Variants in ZNF827 observed in about 807,000 individuals in gnomAD.
ZNF827 encodes zinc finger protein 827.
Under a neutral mutation model 102.4 loss-of-function variants are expected in ZNF827, and 13 were observed. That is an observed-to-expected ratio of 0.13 (90% CI 0.08 to 0.20). The LOEUF is 0.20. Ranked by LOEUF, ZNF827 falls within the 10% of genes least tolerant of loss-of-function variation. The pLI, the probability that ZNF827 is intolerant of heterozygous loss-of-function variation, is 1.00. For missense variants in ZNF827, 1,103 were observed against 1,344.4 expected (o/e 0.82, Z 2.81); for synonymous variants, 523 against 536.2 (o/e 0.98, Z 0.34).
At chr4:145,840,329 G>A (rs534699761) in intron 7 of ZNF827, among the ~76,000 whole-genome samples, 10 of 152,354 alleles carry the variant, frequency 6.6e-5, no homozygotes, top group South Asian at 4.1e-4. Context: ...CATGATTAAC[G>A]TCACAGACAT....
chr4:145,860,997 C>CA (rs1439773213), intron 5 of ZNF827, among the ~76,000 whole-genome samples: 1 of 152,222 alleles, frequency 6.6e-6, no homozygotes, highest in Non-Finnish European at 1.5e-5. Context: ...CGCTGAGTAG[C>CA]CCCTGCCCCA....
In ZNF827 at chr4:145,763,113, C is replaced by T. The variant is rs1453940104; in HGVS notation, c.3240G>A (p.Gln1080=). 2 of 1,536,124 alleles carry T rather than the reference C, an allele frequency of 1.3e-6. No homozygotes were observed. The highest frequency in any genetic ancestry group is 3.9e-5 in the Admixed American group (2 of 51,006). The change falls in exon 14 of 15, where the codon CAG becomes CAA. Residue 1080 remains glutamine (Q), a synonymous_variant. Coordinates refer to ENST00000508784, the MANE Select transcript of ZNF827 (RefSeq NM_001306215.2). This position sits in a 1 kb window ranked among gnomAD's most constrained non-coding sequence, Gnocchi z 4.6. ...TVPTGGLNSG[Q]W is the part of the protein sequence containing the mutation. Reference sequence around the variant, plus strand: ...ACCTAGAGGAGTCTGAAACTCACCACTGTCCTGAGCTACGGCAAAAGAAAA... The same window carrying T: ...ACCTAGAGGAGTCTGAAACTCACCATTGTCCTGAGCTACGGCAAAAGAAAA...
At chr4:145,927,451 T>C (rs1047300795) in intron 1 of ZNF827, among the ~76,000 whole-genome samples, 6 of 152,196 alleles carry the variant, frequency 3.9e-5, no homozygotes, top group African/African-American at 1.4e-4. Context: ...GGGTAGAAGT[T>C]AGAAGGAAGA....
At chr4:145,796,009 T>TC in intron 8 of ZNF827, among the ~76,000 whole-genome samples, 1 of 152,304 alleles carries the variant, frequency 6.6e-6, no homozygotes, top group African/African-American at 2.4e-5. Flanking sequence ...GAATGGCCTA[T>TC]CAGAAGCAGT....
intron 4 of ZNF827, among the ~76,000 whole-genome samples, chr4:145,877,756 A>G (rs759190963): frequency 6.6e-6 from 1 of 152,238 alleles, no homozygotes; most frequent in African/African-American, 2.4e-5. Context: ...CAAAAACTAA[A>G]CTACTAAAAC....
At chr4:145,769,076 C>G (rs1333298345) in intron 11 of ZNF827, among the ~76,000 whole-genome samples, 1 of 149,964 alleles carries the variant, frequency 6.7e-6, no homozygotes, top group Non-Finnish European at 1.5e-5. Flanking sequence ...AAATATGTAC[C>G]CACTTACAAT....
intron 7 of ZNF827, among the ~76,000 whole-genome samples, chr4:145,827,079 G>A (rs1327788209): frequency 6.6e-6 from 1 of 152,228 alleles, no homozygotes; most frequent in East Asian, 1.9e-4. Flanking sequence ...TATTCCCTGT[G>A]TGGATAAGGA....
At chr4:145,827,184 T>C (rs1485734802) in intron 7 of ZNF827, among the ~76,000 whole-genome samples, 2 of 152,036 alleles carry the variant, frequency 1.3e-5, no homozygotes, top group Admixed American at 1.3e-4. Context: ...CATGATGGCT[T>C]CCCCATCTGC....
At chr4:145,936,906 G>A (rs961620223) in intron 1 of ZNF827, among the ~76,000 whole-genome samples, 4 of 151,936 alleles carry the variant, frequency 2.6e-5, no homozygotes, top group African/African-American at 9.7e-5. Flanking sequence ...CCGGGAGAGG[G>A]GAGTAGTGTG....
At chr4:145,841,269 T>C (rs1450922487) in intron 7 of ZNF827, among the ~76,000 whole-genome samples, 3 of 152,226 alleles carry the variant, frequency 2.0e-5, no homozygotes, top group Non-Finnish European at 4.4e-5. Context: ...TAGGGTTCCA[T>C]TTTCCTATCT....
At chr4:145,921,484 A>G (rs1753065760) in intron 1 of ZNF827, among the ~76,000 whole-genome samples, 1 of 151,610 alleles carries the variant, frequency 6.6e-6, no homozygotes, top group African/African-American at 2.4e-5. Flanking sequence ...AAAAAAAAAA[A>G]AAAAAAAAAG....
intron 9 of ZNF827, among the ~76,000 whole-genome samples, chr4:145,778,050 C>T (rs992600202): frequency 6.6e-5 from 10 of 151,764 alleles, no homozygotes; most frequent in South Asian, 2.1e-4. Flanking sequence ...TGTCTTTAGT[C>T]GAATTTAAAA....
chr4:145,897,368 A>C (rs886657351), intron 2 of ZNF827, among the ~76,000 whole-genome samples: 1 of 152,228 alleles, frequency 6.6e-6, no homozygotes, highest in African/African-American at 2.4e-5. Flanking sequence ...GATTTGCAGC[A>C]AGTCAATATA....
chr4:145,790,058 G>A (rs1739455033), intron 8 of ZNF827, among the ~76,000 whole-genome samples: 1 of 152,192 alleles, frequency 6.6e-6, no homozygotes, highest in Non-Finnish European at 1.5e-5. Flanking sequence ...GCTCCAGAAT[G>A]AGACCCTTAT....
chr4:145,769,172 C>T (rs1170164636), intron 11 of ZNF827, among the ~76,000 whole-genome samples: 3 of 151,814 alleles, frequency 2.0e-5, no homozygotes, highest in Non-Finnish European at 1.5e-5. Flanking sequence ...AAAAATCTTG[C>T]TCCTATTAGA....
chr4:145,892,494 C>A, intron 2 of ZNF827, 79 bp from the exon 3 acceptor site: 1 of 1,371,712 alleles, frequency 7.3e-7, no homozygotes, highest in Non-Finnish European at 9.7e-7. Context: ...ACATACACTG[C>A]CATATAAAAA....
intron 7 of ZNF827, among the ~76,000 whole-genome samples, chr4:145,840,120 A>C (rs992907710): frequency 2.6e-5 from 4 of 152,260 alleles, no homozygotes; most frequent in Non-Finnish European, 1.5e-5. Context: ...CAATGCACAA[A>C]GTAATTTCAG....
At position 145,902,162 on chromosome 4, in the gene ZNF827, A is replaced by G; in HGVS notation, c.1093+4T>C. The G allele has an allele frequency of 6.3e-7, 1 of 1,579,474 alleles. No individual in the cohort carries two copies. Among genetic ancestry groups the G allele is most frequent in the Non-Finnish European group, 8.6e-7 (1 of 1,167,326 alleles). On this transcript the variant is annotated splice_donor_region_variant and intron_variant, in intron 2 of 14. Transcript: ENST00000508784. This position sits in a 1 kb window ranked among gnomAD's most constrained non-coding sequence, Gnocchi z 4.3. ...CACGATGATTGAAAGAAAAGATGCC[A>G]TACCTGAATTGGAGGGTTTAGAAAC...
chr4:145,835,301 C>A (rs1435305372), intron 7 of ZNF827: 1 of 152,126 alleles, frequency 6.6e-6, no homozygotes, highest in Non-Finnish European at 1.5e-5. Context: ...GAAGGTAAGC[C>A]CGTCCCCTTC....
Sources: gnomAD v4.1 joint callset for allele counts (sites outside exome capture counted in the v4.1 genomes callset) on GRCh38, gnomAD v4.1.1 for gene constraint, Gnocchi (gnomAD v3.1) non-coding constraint, MANE v1.5 for transcripts, NCBI Gene and HGNC (gene_info 2026-07-23, HGNC 2026-07-21) for gene names.